VANGL2: variants seen among roughly 807,000 people sequenced by gnomAD.
VANGL2 encodes VANGL planar cell polarity protein 2, also known as vang-like protein 2.
VANGL2 carries 14 observed loss-of-function variants against 50.2 expected under a neutral mutation model. The ratio of observed to expected loss-of-function variants is 0.28; its 90% CI spans 0.18 to 0.44. The LOEUF is 0.44. Among genes scored for constraint, VANGL2 ranks in the 20% least tolerant of loss-of-function variants. The pLI, the probability that VANGL2 is intolerant of heterozygous loss-of-function variation, is 1.00. For synonymous variants in VANGL2, 295 were observed against 297.2 expected, an observed-to-expected ratio of 0.99 and a Z score of 0.08; for missense variants, 533 against 701.5, an observed-to-expected ratio of 0.76 and a Z score of 2.71.
rs552855589 is a variant in VANGL2, at chr1:160,428,387, G to C, written c.*3009G>C. ...TGTTCTTCCGTGCGCAAAAGGAAGA[G>C]GGCTTTTTGAGTCCCTTCCAAGTGA... On this transcript the variant is annotated 3_prime_UTR_variant, in exon 8 of 8. Transcript: ENST00000368061. 2.0e-5 allele frequency: 3 copies of C among 152,254 alleles called. No individual in the cohort carries two copies. Among genetic ancestry groups the C allele is most frequent in the Non-Finnish European group, 4.4e-5 (3 of 68,010 alleles). 9.4% of individuals were successfully genotyped at this position (152,254 alleles called of 1,614,324 possible).
chr1:160,402,954 C>A (rs1256200544), intron 1 of VANGL2, among the ~76,000 whole-genome samples: 1 of 151,982 alleles, frequency 6.6e-6, no homozygotes, highest in Admixed American at 6.5e-5. Context: ...TTGTACATAC[C>A]CATTATGGTC....
chr1:160,406,430 G>A (rs916582068), intron 1 of VANGL2, among the ~76,000 whole-genome samples: 3 of 152,230 alleles, frequency 2.0e-5, no homozygotes, highest in African/African-American at 7.2e-5. Context: ...GCACCTTGGT[G>A]TCATAAGCCT....
At chr1:160,405,181 T>C (rs1400599700) in intron 1 of VANGL2, among the ~76,000 whole-genome samples, 1 of 152,146 alleles carries the variant, frequency 6.6e-6, no homozygotes, top group East Asian at 1.9e-4. Flanking sequence ...GCTTCCCCTC[T>C]CTCTGAATTG....
Position 160,400,634 on chromosome 1 carries a change from G to A in VANGL2, c.-426G>A, listed in dbSNP as rs1026980446. 6.6e-6 allele frequency: 1 copy of A among 151,962 alleles called. No individual in the cohort carries two copies. The highest frequency in any genetic ancestry group is 1.5e-5 in the Non-Finnish European group (1 of 68,088). The allele number at this position is 151,962 out of a possible 1,614,324, so 9.4% of individuals were successfully genotyped here. A position where few individuals can be genotyped will look rare whatever the true frequency, so the allele number is the denominator to read the frequency against. ...ATCCTTGGTCCCGCCATGGGAGCCT[G>A]AGCGCCCCCTATTCCCCCCTGGCCC... On this transcript the variant is annotated 5_prime_UTR_variant, in exon 1 of 8. The change abolishes the stop of an existing upstream ORF in the 5' untranslated region. Transcript: ENST00000368061.
Position 160,415,761 on chromosome 1 carries a change from A to G in VANGL2, c.-77A>G. 1 of 1,531,402 alleles carries G rather than the reference A, an allele frequency of 6.5e-7. No individual in the cohort carries two copies. Among genetic ancestry groups the G allele is most frequent in the Admixed American group, 1.9e-5 (1 of 51,666 alleles). The allele number at this position is 1,531,402 out of a possible 1,614,324, so 94.9% of individuals were successfully genotyped here. A position where few individuals can be genotyped will look rare whatever the true frequency, so the allele number is the denominator to read the frequency against. On this transcript the variant is annotated 5_prime_UTR_variant, in exon 2 of 8. Transcript: ENST00000368061. ...CTTGGCCTAAAGAAGCCGGTGCTGA[A>G]GGAGGTGGCTGTGGGGCCCCCCAAG...
Position 160,424,245 on chromosome 1 carries a change from C to T in VANGL2, c.1267C>T (p.His423Tyr). The change falls in exon 7 of 8, where the codon CAC becomes TAC. Residue 423 changes from histidine (H) to tyrosine (Y), a missense_variant. His to Tyr is a moderately conservative substitution (Grantham distance 83). Coordinates refer to ENST00000368061, the MANE Select transcript of VANGL2 (RefSeq NM_020335.3). ...CCACACCATGGAGAGCATCCTGCAG[C>T]ACCTTGAATTCTGCATCACGCATGA... is the stretch of plus-strand genomic sequence containing the variant. Reference protein sequence around the residue: ...PYHTMESILQHLEFCITHDMT... With the variant: ...PYHTMESILQYLEFCITHDMT... 3 of 1,614,234 alleles carry T rather than the reference C, an allele frequency of 1.9e-6. No individual in the cohort carries two copies. The highest frequency in any genetic ancestry group is 8.5e-7 in the Non-Finnish European group (1 of 1,180,042).
At chr1:160,400,924 AAGAG>A (rs969544462) in intron 1 of VANGL2, 55 bp downstream of exon 1, 7 of 152,336 alleles carry the variant, frequency 4.6e-5, no homozygotes, top group East Asian at 1.9e-4. Context: ...AGAAGAAAGA[AAGAG>A]AGAGAAAAAA....
At chr1:160,423,614 G>A (rs1362921914) in intron 6 of VANGL2, among the ~76,000 whole-genome samples, 1 of 152,206 alleles carries the variant, frequency 6.6e-6, no homozygotes, top group Admixed American at 6.5e-5. Context: ...GGTTTTAGAT[G>A]TGTATATTTT....
At chr1:160,418,243 T>A (rs1651131379) in intron 3 of VANGL2, among the ~76,000 whole-genome samples, 1 of 152,132 alleles carries the variant, frequency 6.6e-6, no homozygotes, top group African/African-American at 2.4e-5. Flanking sequence ...TTAATGTTAA[T>A]GTTTGAGTGA....
chr1:160,420,402 C>T lies in VANGL2; in HGVS notation c.801-9C>T, dbSNP rs767239743. On this transcript the variant is annotated splice_polypyrimidine_tract_variant and intron_variant, in intron 4 of 7. Coordinates refer to ENST00000368061, the MANE Select transcript of VANGL2 (RefSeq NM_020335.3). Reference sequence around the variant, plus strand: ...CTTCTCCCACCCCCTCCTGCCGTCTCCCCCACAGCATCCAGCGCGTGGCAG... The same window carrying T: ...CTTCTCCCACCCCCTCCTGCCGTCTTCCCCACAGCATCCAGCGCGTGGCAG... 1.2e-6 allele frequency: 2 copies of T among 1,614,004 alleles called. No homozygotes were observed. The highest frequency in any genetic ancestry group is 1.7e-6 in the Non-Finnish European group (2 of 1,180,006).
At chr1:160,410,691 C>T (rs1650850312) in intron 1 of VANGL2, among the ~76,000 whole-genome samples, 1 of 141,766 alleles carries the variant, frequency 7.1e-6, no homozygotes, top group Admixed American at 7.3e-5. Context: ...CACACACACA[C>T]ACACACACGC....
At chr1:160,421,346 A>G (rs1651267221) in intron 6 of VANGL2, among the ~76,000 whole-genome samples, 159 bp downstream of exon 6, 1 of 152,134 alleles carries the variant, frequency 6.6e-6, no homozygotes, top group African/African-American at 2.4e-5. Flanking sequence ...ATTACCATAA[A>G]CTTAGCAGCT....
At position 160,419,354 on chromosome 1, in the gene VANGL2, G is replaced by A. The variant is rs999920518; in HGVS notation, c.545G>A (p.Arg182His). The change falls in exon 4 of 8, where the codon CGT becomes CAT. Residue 182 changes from arginine to histidine, a missense_variant. Transcript: ENST00000368061. This position sits in a 1 kb window ranked among gnomAD's most constrained non-coding sequence, Gnocchi z 5.8. Reference protein sequence around the residue: ...KASLPRVFVLRALLMVLVFLL... With the variant: ...KASLPRVFVLHALLMVLVFLL... ...TCGCTGCCCCGCGTCTTTGTGCTGC[G>A]TGCCCTGCTTATGGTGCTGGTTTTC... 16 of 1,611,618 alleles carry A rather than the reference G, an allele frequency of 9.9e-6. No individual in the cohort carries two copies. The highest frequency in any genetic ancestry group is 2.7e-5 in the African/African-American group (2 of 74,920).
rs140876363 is a variant in VANGL2 at position 160,419,318 on chromosome 1, G to A, written c.509G>A (p.Arg170Gln). 480 of 1,609,324 alleles carry A rather than the reference G, an allele frequency of 3.0e-4. 5 individuals are homozygous for A. The highest frequency in any genetic ancestry group is 1.8e-3 in the South Asian group (165 of 91,080). The stretch of plus-strand genomic sequence containing the variant: ...GGCAGCTGGGCTCTGTTCTTCCGCC[G>A]GCCCAAGGCCTCGCTGCCCCGCGTC... ...LLGSWALFFRRPKASLPRVFV... is the reference protein window; with the variant it reads ...LLGSWALFFRQPKASLPRVFV... Residue 170 changes from arginine (R) to glutamine (Q), a missense_variant, in exon 4 of 8, where the codon CGG (arginine) becomes CAG (glutamine). Arg to Gln is a conservative substitution (Grantham distance 43). Coordinates refer to ENST00000368061, the MANE Select transcript of VANGL2 (RefSeq NM_020335.3). The surrounding 1 kb of genome is among the most constrained non-coding windows in gnomAD (Gnocchi z 5.8).
intron 5 of VANGL2, 68 bp downstream of exon 5, chr1:160,420,615 T>G (rs1436424833): frequency 6.2e-7 from 1 of 1,610,408 alleles, no homozygotes; most frequent in Non-Finnish European, 8.5e-7. Context: ...CCCGCCTCTC[T>G]TTTACCCTTT....
chr1:160,424,251 G>C lies in VANGL2; in HGVS notation c.1273G>C (p.Glu425Gln). The C allele has an allele frequency of 6.2e-7, 1 of 1,614,198 alleles. No homozygotes were observed. Among genetic ancestry groups the C allele is most frequent in the Non-Finnish European group, 8.5e-7 (1 of 1,180,030 alleles). ...HTMESILQHL[E>Q]FCITHDMTPK... The stretch of plus-strand genomic sequence containing the variant: ...CATGGAGAGCATCCTGCAGCACCTT[G>C]AATTCTGCATCACGCATGACATGAC... The change falls in exon 7 of 8, where the codon GAA (glutamate) becomes CAA (glutamine). Residue 425 changes from glutamate (E) to glutamine (Q), a missense_variant. Glu to Gln is a conservative substitution (Grantham distance 29, BLOSUM62 2). Transcript: ENST00000368061.
intron 1 of VANGL2, among the ~76,000 whole-genome samples, chr1:160,401,090 TTGGGGAGGGGAAGGGGCTCG>T (rs1650443228): frequency 6.6e-6 from 1 of 151,238 alleles, no homozygotes; most frequent in African/African-American, 2.4e-5. Flanking sequence ...CCCCCCAACT[TTGGGGAGGGGAAGGGGCTCG>T]TGGGGAGGGG....
intron 1 of VANGL2, among the ~76,000 whole-genome samples, chr1:160,412,251 G>T (rs1483195532): frequency 6.6e-6 from 1 of 152,046 alleles, no homozygotes; most frequent in Non-Finnish European, 1.5e-5. Flanking sequence ...GGCTTTGGCA[G>T]ATGATGGGTA....
chr1:160,421,731 A>T (rs1323817707), intron 6 of VANGL2, among the ~76,000 whole-genome samples: 2 of 152,112 alleles, frequency 1.3e-5, no homozygotes, highest in Admixed American at 1.3e-4. Context: ...TAATGAGGGG[A>T]TGGGAGTCTG....
Sources: gnomAD v4.1 joint callset for allele counts (sites outside exome capture counted in the v4.1 genomes callset) on GRCh38, gnomAD v4.1.1 for gene constraint, Gnocchi (gnomAD v3.1) non-coding constraint, MANE v1.5 for transcripts, NCBI Gene and HGNC (gene_info 2026-07-23, HGNC 2026-07-21) for gene names.